CARD8: variants seen among roughly 807,000 people sequenced by gnomAD.
CARD8 encodes the protein caspase recruitment domain family member 8, also known as caspase recruitment domain-containing protein 8.
In CARD8, 38 loss-of-function variants were observed where a neutral mutation model predicts 53.2. The ratio of observed to expected loss-of-function variants is 0.71; its 90% CI spans 0.55 to 0.94. The LOEUF (loss-of-function observed/expected upper bound fraction) is 0.94. Among genes scored for constraint, CARD8 ranks in the 40% least tolerant of loss-of-function variants. The probability of loss-of-function intolerance (pLI) is 0.00; values close to 1 mark genes in which losing one functional copy is unlikely to be tolerated. For synonymous variants in CARD8, 245 were observed against 244.9 expected, an observed-to-expected ratio of 1.00 and a Z score of 0.00; for missense variants, 561 against 655.5, an observed-to-expected ratio of 0.86 and a Z score of 1.57.
chr19:48,239,969 A>G (rs2044660607), intron 4 of CARD8, among the ~76,000 whole-genome samples: 1 of 152,156 alleles, frequency 6.6e-6, no homozygotes, highest in African/African-American at 2.4e-5. Flanking sequence ...GGGTTCCTTC[A>G]TGAGGGAACT....
intron 11 of CARD8, among the ~76,000 whole-genome samples, chr19:48,220,846 G>A (rs557409326): frequency 5.9e-5 from 9 of 151,876 alleles, no homozygotes; most frequent in East Asian, 1.9e-4. Context: ...GGGAGGCGGC[G>A]GTTGTAGTGG....
chr19:48,244,711 C>T (rs900924448), intron 3 of CARD8, among the ~76,000 whole-genome samples: 3 of 152,136 alleles, frequency 2.0e-5, no homozygotes, highest in African/African-American at 7.2e-5. Flanking sequence ...TGGAACGGTC[C>T]CATGCATTCC....
intron 4 of CARD8, among the ~76,000 whole-genome samples, 196 bp downstream of exon 4, chr19:48,240,760 CTCTGTG>C (rs1175811659): frequency 1.4e-5 from 2 of 140,350 alleles, no homozygotes; most frequent in African/African-American, 5.4e-5. Flanking sequence ...CAAAACAAGA[CTCTGTG>C]TCAAAAAAAA....
chr19:48,220,710 G>A (rs1488564802), intron 11 of CARD8, among the ~76,000 whole-genome samples: 1 of 151,904 alleles, frequency 6.6e-6, no homozygotes, highest in Non-Finnish European at 1.5e-5. Flanking sequence ...TCAGGAGTTC[G>A]AGACCAGCCT....
chr19:48,214,411 A>G (rs972080622), intron 13 of CARD8, among the ~76,000 whole-genome samples: 2 of 152,218 alleles, frequency 1.3e-5, no homozygotes, highest in Non-Finnish European at 2.9e-5. Flanking sequence ...CAGCTTCCCA[A>G]TAAGATCTCG....
In CARD8 at chr19:48,230,886, G is replaced by A. The variant is rs148708617; in HGVS notation, c.663C>T (p.Asp221=). 78 of 1,614,074 alleles carry A rather than the reference G, an allele frequency of 4.8e-5. No individual in the cohort carries two copies. In the African/African-American group the frequency reaches 9.1e-4, roughly 19 times the overall value. The change falls in exon 9 of 14, where the codon GAC becomes GAT. Residue 221 remains aspartate (D), a synonymous_variant. Transcript: ENST00000651546. ...FGSWSQHLAL[D]LQHHEQWLVG... is the part of the protein sequence containing the mutation. ...CCAGCCACTGTTCATGGTGCTGCAG[G>A]TCCAGGGCCAGGTGCTGACTCCAGG...
At chr19:48,245,276 C>T (rs549412625) in intron 3 of CARD8, among the ~76,000 whole-genome samples, 1 of 152,280 alleles carries the variant, frequency 6.6e-6, no homozygotes, top group African/African-American at 2.4e-5. Flanking sequence ...GTGGCACAAT[C>T]TCGGCTCACT....
chr19:48,228,856 C>G (rs1024016721), intron 10 of CARD8, among the ~76,000 whole-genome samples: 2 of 151,968 alleles, frequency 1.3e-5, no homozygotes, highest in African/African-American at 2.4e-5. Context: ...AAGAGGGAGG[C>G]GGCCGGGCGC....
At chr19:48,219,037 T>C (rs2039959824) in intron 11 of CARD8, 25 bp from the exon 12 acceptor site, 1 of 1,613,154 alleles carries the variant, frequency 6.2e-7, no homozygotes, top group Admixed American at 1.7e-5. Flanking sequence ...TCAGTTGACT[T>C]GAAGCAGTGG....
intron 11 of CARD8, among the ~76,000 whole-genome samples, 167 bp from the exon 12 acceptor site, chr19:48,219,179 G>A (rs2304135): frequency 0.26 from 39,842 of 152,080 alleles, 5,398 homozygotes; most frequent in South Asian, 0.36. Flanking sequence ...TACAATGTTA[G>A]GAAATGCTTT....
intron 10 of CARD8, chr19:48,223,721 C>A (rs1170612021): frequency 5.0e-6 from 2 of 398,718 alleles, no homozygotes; most frequent in Admixed American, 2.9e-5. Flanking sequence ...AGACATACCA[C>A]TGGATTAATT....
chr19:48,253,989 T>C (rs896623816), intron 1 of CARD8, among the ~76,000 whole-genome samples: 7 of 152,300 alleles, frequency 4.6e-5, no homozygotes, highest in Admixed American at 1.3e-4. Flanking sequence ...ATCTCAAGCA[T>C]AGAGGAAACA....
At chr19:48,220,979 AAGG>A (rs1274701401) in intron 11 of CARD8, among the ~76,000 whole-genome samples, 2 of 96,960 alleles carry the variant, frequency 2.1e-5, no homozygotes, top group Non-Finnish European at 4.4e-5. Context: ...GGAAGGAAGG[AAGG>A]AAGGAAGGAA....
downstream of CARD8, chr19:48,203,921 C>A (rs763374827): frequency 6.8e-5 from 19 of 281,020 alleles, no homozygotes; most frequent in Non-Finnish European, 1.4e-4. Context: ...GCCGGCTGAG[C>A]GCCACCAGCG....
At position 48,209,009 on chromosome 19, in the gene CARD8, TAC is replaced by T. The variant is rs914717747; in HGVS notation, c.*2699_*2700del. The T allele has an allele frequency of 6.6e-5, 5 of 75,970 alleles. No individual in the cohort carries two copies. Among genetic ancestry groups the T allele is most frequent in the African/African-American group, 2.7e-4 (5 of 18,722 alleles). 4.7% of individuals were successfully genotyped at this position (75,970 alleles called of 1,614,324 possible). ...AAAAAAAAAAAAAAAAAAAAAAAAA[TAC>T]TCAAATGTGCCAGGTGTAGTGGCCT... On this transcript the variant is annotated 3_prime_UTR_variant, in exon 14 of 14. Coordinates refer to ENST00000651546, the MANE Select transcript of CARD8 (RefSeq NM_001184900.3).
At chr19:48,219,772 C>T (rs1161046256) in intron 11 of CARD8, among the ~76,000 whole-genome samples, 1 of 152,072 alleles carries the variant, frequency 6.6e-6, no homozygotes, top group African/African-American at 2.4e-5. Flanking sequence ...GAGCTCAAGA[C>T]CAGCCTGGCC....
downstream of CARD8, among the ~76,000 whole-genome samples, chr19:48,205,922 G>A (rs1163537368): frequency 6.6e-6 from 1 of 152,092 alleles, no homozygotes; most frequent in East Asian, 1.9e-4. Flanking sequence ...TTTTGAGACA[G>A]AGTCTCACTC....
intron 5 of CARD8, among the ~76,000 whole-genome samples, chr19:48,236,916 C>T (rs2043995175): frequency 6.6e-6 from 1 of 152,130 alleles, no homozygotes; most frequent in South Asian, 2.1e-4. Context: ...GCTGGGATTA[C>T]AGGCATGCGC....
At chr19:48,251,637 C>T (rs1478418548) in intron 1 of CARD8, among the ~76,000 whole-genome samples, 3 of 152,162 alleles carry the variant, frequency 2.0e-5, no homozygotes, top group African/African-American at 7.2e-5. Flanking sequence ...TTGCACTGCT[C>T]TATGGGACTT....
Sources: gnomAD v4.1 joint callset for allele counts (sites outside exome capture counted in the v4.1 genomes callset) on GRCh38, gnomAD v4.1.1 for gene constraint, MANE v1.5 for transcripts, NCBI Gene and HGNC (gene_info 2026-07-23, HGNC 2026-07-21) for gene names.